DHX15: variants seen among roughly 807,000 people sequenced by gnomAD.
DHX15 encodes the protein ATP-dependent RNA helicase DHX15.
In DHX15, 11 loss-of-function variants were observed where a neutral mutation model predicts 94.4. That is an observed-to-expected ratio of 0.12 (90% CI 0.07 to 0.19). The LOEUF (loss-of-function observed/expected upper bound fraction) is 0.19, where lower values mean the gene tolerates loss of function less well. Ranked by LOEUF, DHX15 falls within the 10% of genes least tolerant of loss-of-function variation. The probability of loss-of-function intolerance (pLI) is 1.00; values close to 1 mark genes in which losing one functional copy is unlikely to be tolerated. For missense variants in DHX15, 304 were observed against 988.5 expected (o/e 0.31, Z 9.29); for synonymous variants, 338 against 329.9 (o/e 1.02, Z -0.27).
At chr4:24,543,601 C>T (rs1211108182) in intron 6 of DHX15, among the ~76,000 whole-genome samples, 3 of 152,046 alleles carry the variant, frequency 2.0e-5, no homozygotes, top group Non-Finnish European at 4.4e-5. Context: ...ACATGTAATA[C>T]GTTACTACAT....
chr4:24,579,510 C>T (rs1020887689), intron 1 of DHX15, among the ~76,000 whole-genome samples: 3 of 152,162 alleles, frequency 2.0e-5, no homozygotes, highest in South Asian at 2.1e-4. Flanking sequence ...GTGCTTCAGA[C>T]ACAGCCACAC....
chr4:24,575,525 C>T (rs1024040634), intron 2 of DHX15, among the ~76,000 whole-genome samples: 4 of 152,156 alleles, frequency 2.6e-5, no homozygotes, highest in Admixed American at 6.5e-5. Context: ...TAAAAATTCA[C>T]GTTTTAATAG....
intron 6 of DHX15, among the ~76,000 whole-genome samples, chr4:24,545,949 G>A (rs1389054421): frequency 6.6e-6 from 1 of 152,170 alleles, no homozygotes; most frequent in Non-Finnish European, 1.5e-5. Context: ...GACATGCTAA[G>A]AGTAAATTTT....
chr4:24,533,580 G>T, intron 11 of DHX15: 3 of 156,930 alleles, frequency 1.9e-5, no homozygotes, highest in Non-Finnish European at 2.8e-5. Context: ...AAGTTTACAA[G>T]GATGCCCGAA....
rs540157418 is a variant in DHX15 at position 24,543,047 on chromosome 4, T to C, written c.1249-21A>G. The C allele has an allele frequency of 1.8e-5, 27 of 1,522,114 alleles. No homozygotes were observed. In the South Asian group the frequency reaches 3.0e-4, roughly 17 times the overall value. 94.3% of individuals were successfully genotyped at this position (1,522,114 alleles called of 1,614,324 possible). On this transcript the variant is annotated intron_variant, in intron 6 of 13. Coordinates refer to ENST00000336812, the MANE Select transcript of DHX15 (RefSeq NM_001358.3). The stretch of plus-strand genomic sequence containing the variant: ...ACTACCTGTTAAGAAATAGAGTATA[T>C]AAATTATATTACATATCAAATAAAA...
intron 12 of DHX15, chr4:24,530,223 G>T: frequency 4.9e-6 from 1 of 202,522 alleles, no homozygotes; most frequent in Non-Finnish European, 9.8e-6. Flanking sequence ...TCCTGCCTGA[G>T]ACCATCTAGA....
At chr4:24,571,121 G>A (rs1315925684) in intron 2 of DHX15, among the ~76,000 whole-genome samples, 2 of 152,136 alleles carry the variant, frequency 1.3e-5, no homozygotes, top group Admixed American at 6.5e-5. Context: ...ATTTCTCTAT[G>A]CAATTTTAAA....
At chr4:24,576,064 A>G (rs1722261247) in intron 2 of DHX15, among the ~76,000 whole-genome samples, 179 bp downstream of exon 2, 1 of 152,178 alleles carries the variant, frequency 6.6e-6, no homozygotes, top group Non-Finnish European at 1.5e-5. Context: ...GATTCAGGGG[A>G]GAGGTATTCT....
chr4:24,583,754 C>T (rs1240030324), intron 1 of DHX15, among the ~76,000 whole-genome samples: 2 of 152,074 alleles, frequency 1.3e-5, no homozygotes, highest in Non-Finnish European at 1.5e-5. Flanking sequence ...CCGAGAACTC[C>T]CTATTTGCTG....
chr4:24,574,130 CAGG>C (rs1176648176), intron 2 of DHX15, among the ~76,000 whole-genome samples: 1 of 140,998 alleles, frequency 7.1e-6, no homozygotes, highest in African/African-American at 2.6e-5. Flanking sequence ...CACTTGAACC[CAGG>C]AGGAGGAGGT....
intron 2 of DHX15, among the ~76,000 whole-genome samples, chr4:24,574,205 C>CAAAAAAAAAAAAAAAAAAAAAAAAAAAAA (rs61031930): frequency 5.8e-5 from 4 of 68,870 alleles, no homozygotes; most frequent in Non-Finnish European, 5.5e-5. Context: ...GACTTTGTCT[C>CAAAAAAAAAAAAAAAAAAAAAAAAAAAAA]AAAAAAAAAA....
rs1289296948 is a variant in DHX15, at chr4:24,536,942, T to C, written c.1909+109A>G. Reference sequence around the variant, plus strand: ...GGAGTTTTTCAAAAGTACCTCTGGGTTTCTAATATAAGTTGTCACGGATAA... The same window carrying C: ...GGAGTTTTTCAAAAGTACCTCTGGGCTTCTAATATAAGTTGTCACGGATAA... On this transcript the variant is annotated intron_variant, in intron 11 of 13. Transcript: ENST00000336812. 7.8e-6 allele frequency: 10 copies of C among 1,277,442 alleles called. No individual in the cohort carries two copies. In the Admixed American group the frequency reaches 2.2e-4, roughly 27 times the overall value. 79.1% of individuals were successfully genotyped at this position (1,277,442 alleles called of 1,614,324 possible).
intron 6 of DHX15, among the ~76,000 whole-genome samples, chr4:24,547,927 A>ATC (rs1560765859): frequency 0.13 from 13,654 of 102,870 alleles, 959 homozygotes; most frequent in East Asian, 0.26. Context: ...ATATATATAT[A>ATC]TATATATATA....
chr4:24,528,110 T>C (rs375452538), intron 13 of DHX15, 69 bp from the exon 14 acceptor site: 1 of 1,056,938 alleles, frequency 9.5e-7, no homozygotes, highest in Non-Finnish European at 1.5e-6. Context: ...GTTAATAGGA[T>C]AGGCATTATT....
intron 4 of DHX15, 96 bp downstream of exon 4, chr4:24,556,155 G>C (rs2109408040): frequency 2.1e-6 from 2 of 973,294 alleles, no homozygotes; most frequent in Non-Finnish European, 2.9e-6. Context: ...TTTTACAGGT[G>C]ATTTCTTACA....
chr4:24,558,595 TTCTATCATCC>T (rs1207938380), intron 3 of DHX15, among the ~76,000 whole-genome samples: 19 of 152,172 alleles, frequency 1.2e-4, no homozygotes, highest in Non-Finnish European at 1.8e-4. Context: ...TGGCCAAAAC[TTCTATCATCC>T]AGACAATTCC....
intron 9 of DHX15, 39 bp downstream of exon 9, chr4:24,540,801 T>G (rs1327178300): frequency 8.3e-7 from 1 of 1,200,658 alleles, no homozygotes; most frequent in South Asian, 1.3e-5. Context: ...TCAATTTTGG[T>G]TAAAAGATCT....
At position 24,545,631 on chromosome 4, in the gene DHX15, A is replaced by T. The variant is rs1366516092; in HGVS notation, c.1249-2605T>A. On this transcript the variant is annotated intron_variant, in intron 6 of 13. Coordinates refer to ENST00000336812, the MANE Select transcript of DHX15 (RefSeq NM_001358.3). ...GCTAAGGCTAAATACACACACACAC[A>T]ATGCAAAAGCGAACTAATAAATGAC... Among the ~76,000 whole-genome samples the T allele has an allele frequency of 3.3e-5, 5 of 152,352 alleles. No homozygotes were observed. The East Asian group carries it at 9.7e-4, about 29-fold the overall frequency.
At chr4:24,570,914 G>A (rs1431214129) in intron 2 of DHX15, 67 bp from the exon 3 acceptor site, 2 of 1,487,292 alleles carry the variant, frequency 1.3e-6, no homozygotes, top group African/African-American at 1.4e-5. Context: ...GTAACATAAA[G>A]CACTTTATCT....
Sources: gnomAD v4.1 joint callset for allele counts (sites outside exome capture counted in the v4.1 genomes callset) on GRCh38, gnomAD v4.1.1 for gene constraint, MANE v1.5 for transcripts, NCBI Gene and HGNC (gene_info 2026-07-23, HGNC 2026-07-21) for gene names.